The following LUC7L2 variants were observed in gnomAD, a reference collection of about 807,000 sequenced individuals.
LUC7L2 encodes the protein LUC7 like 2, pre-mRNA splicing factor.
In LUC7L2, 25 loss-of-function variants were observed where a neutral mutation model predicts 52.8. The ratio of observed to expected loss-of-function variants is 0.47; its 90% CI spans 0.34 to 0.66. The LOEUF (loss-of-function observed/expected upper bound fraction) is 0.66. Among genes scored for constraint, LUC7L2 ranks in the 30% least tolerant of loss-of-function variants. LUC7L2 has a pLI of 0.01. For missense variants in LUC7L2, 328 were observed against 497.8 expected, an observed-to-expected ratio of 0.66 and a Z score of 3.25; for synonymous variants, 144 against 160.9, an observed-to-expected ratio of 0.89 and a Z score of 0.80.
intron 4 of LUC7L2, among the ~76,000 whole-genome samples, chr7:139,404,766 C>T (rs1795049789): frequency 6.6e-6 from 1 of 152,212 alleles, no homozygotes; most frequent in Admixed American, 6.5e-5. Flanking sequence ...TGCTGAAAAT[C>T]AGCAAGGTGC....
intron 1 of LUC7L2, among the ~76,000 whole-genome samples, chr7:139,350,516 G>A (rs1799420608): frequency 1.3e-5 from 2 of 151,780 alleles, no homozygotes; most frequent in African/African-American, 4.8e-5. Context: ...TCTGGTTTCC[G>A]CCCCTCTACT....
At chr7:139,374,060 G>A (rs527606456) in intron 1 of LUC7L2, among the ~76,000 whole-genome samples, 1 of 152,292 alleles carries the variant, frequency 6.6e-6, no homozygotes, top group African/African-American at 2.4e-5. Flanking sequence ...TCTGATATGA[G>A]TTTATCATAG....
intron 1 of LUC7L2, chr7:139,345,747 A>G (rs1225343246): frequency 6.4e-7 from 1 of 1,563,078 alleles, no homozygotes; most frequent in Admixed American, 1.9e-5. Context: ...AGGAGAATTG[A>G]ATAATTTCTA....
At chr7:139,349,345 A>C (rs1799374347) in intron 1 of LUC7L2, among the ~76,000 whole-genome samples, 2 of 152,228 alleles carry the variant, frequency 1.3e-5, no homozygotes, top group African/African-American at 4.8e-5. Flanking sequence ...ATTAAGGTTT[A>C]AATAATTTAC....
chr7:139,385,329 TTTTTTTTTA>T (rs1443680308), intron 2 of LUC7L2, among the ~76,000 whole-genome samples: 1 of 146,972 alleles, frequency 6.8e-6, no homozygotes, highest in African/African-American at 2.6e-5. Flanking sequence ...TTTTTTTTTT[TTTTTTTTTA>T]AAGAAACAGG....
intron 1 of LUC7L2, chr7:139,341,221 TTAA>T: frequency 3.9e-6 from 5 of 1,286,748 alleles, no homozygotes; most frequent in Non-Finnish European, 4.1e-6. Context: ...GGGCCTTCGA[TTAA>T]TAAGGTTCGG....
chr7:139,391,908 T>C (rs1014638649), intron 2 of LUC7L2, among the ~76,000 whole-genome samples: 7 of 152,124 alleles, frequency 4.6e-5, no homozygotes, highest in Non-Finnish European at 8.8e-5. Flanking sequence ...ATTTTTCCAA[T>C]TGTAGTAATA....
At chr7:139,349,589 G>C (rs889709973) in intron 1 of LUC7L2, among the ~76,000 whole-genome samples, 1 of 148,346 alleles carries the variant, frequency 6.7e-6, no homozygotes, top group African/African-American at 2.5e-5. Flanking sequence ...GCTGTCTCTT[G>C]CTTACCTCCT....
intron 1 of LUC7L2, among the ~76,000 whole-genome samples, chr7:139,347,048 C>T (rs6954453): frequency 0.17 from 25,264 of 152,076 alleles, 2,202 homozygotes; most frequent in Middle Eastern, 0.27. Context: ...CTTCTTATAT[C>T]CTTATTTCCT....
At chr7:139,354,983 G>A (rs367836432), upstream of LUC7L2, among the ~76,000 whole-genome samples, 1 of 152,054 alleles carries the variant, frequency 6.6e-6, no homozygotes, top group East Asian at 1.9e-4. Context: ...TCAGGCTTCT[G>A]AGTAGCTGGG....
At chr7:139,414,751 T>G (rs1356407807) in intron 8 of LUC7L2, among the ~76,000 whole-genome samples, 1 of 152,212 alleles carries the variant, frequency 6.6e-6, no homozygotes, top group Admixed American at 6.5e-5. Context: ...GAAGCACTCC[T>G]CTCTGAGATG....
chr7:139,348,080 G>A (rs1799327622), intron 1 of LUC7L2, among the ~76,000 whole-genome samples: 2 of 152,136 alleles, frequency 1.3e-5, no homozygotes, highest in Non-Finnish European at 2.9e-5. Flanking sequence ...TGGTAAGAGT[G>A]AAGAAAGCAA....
chr7:139,343,846 G>T (rs1799123662), intron 1 of LUC7L2, among the ~76,000 whole-genome samples: 1 of 148,020 alleles, frequency 6.8e-6, no homozygotes, highest in Admixed American at 6.8e-5. Context: ...GAGGCAGGAG[G>T]ATCACTTGAG....
intron 1 of LUC7L2, among the ~76,000 whole-genome samples, chr7:139,365,810 A>G (rs1374274998): frequency 2.6e-5 from 4 of 152,238 alleles, no homozygotes; most frequent in African/African-American, 9.6e-5. Flanking sequence ...AAGAAGGTGA[A>G]GGAAGTTGGA....
At chr7:139,400,184 C>G (rs1794843707) in intron 3 of LUC7L2, among the ~76,000 whole-genome samples, 1 of 151,986 alleles carries the variant, frequency 6.6e-6, no homozygotes, top group Non-Finnish European at 1.5e-5. Context: ...CAGTCTTTAA[C>G]AAATCTATAG....
intron 2 of LUC7L2, among the ~76,000 whole-genome samples, chr7:139,381,421 T>C (rs1381194630): frequency 2.1e-5 from 3 of 146,008 alleles, no homozygotes; most frequent in Non-Finnish European, 3.0e-5. Context: ...TATTTTATTT[T>C]ATTTCATTGA....
intron 8 of LUC7L2, chr7:139,416,390 A>G (rs1795620984): frequency 6.6e-6 from 1 of 151,734 alleles, no homozygotes; most frequent in African/African-American, 2.4e-5. Flanking sequence ...CCTTGATCGT[A>G]TATTTTCTGG....
chr7:139,366,748 G>A (rs999852714), intron 1 of LUC7L2, among the ~76,000 whole-genome samples: 3 of 152,198 alleles, frequency 2.0e-5, no homozygotes, highest in African/African-American at 7.2e-5. Context: ...TAAACCAAGT[G>A]TGGTCCTTGG....
chr7:139,410,526 CT>C (rs1231026718), intron 7 of LUC7L2, among the ~76,000 whole-genome samples: 2 of 146,026 alleles, frequency 1.4e-5, no homozygotes, highest in Non-Finnish European at 3.0e-5. Flanking sequence ...TTCTGAGTCA[CT>C]TTTACCATTG....
Sources: allele counts gnomAD v4.1 joint callset (sites outside exome capture counted in the v4.1 genomes callset), GRCh38; gene constraint gnomAD v4.1.1; transcripts MANE v1.5; gene names NCBI Gene and HGNC (gene_info 2026-07-23, HGNC 2026-07-21).